The following PRICKLE2 variants were observed in gnomAD, a reference collection of about 807,000 sequenced individuals.
PRICKLE2 encodes the protein prickle planar cell polarity protein 2, also known as prickle-like protein 2.
A neutral mutation model predicts 81.4 loss-of-function variants in PRICKLE2; 21 were observed. The ratio of observed to expected loss-of-function variants is 0.26; its 90% CI spans 0.18 to 0.37. PRICKLE2 has a LOEUF of 0.37. Ranked by LOEUF, PRICKLE2 falls within the 10% of genes least tolerant of loss-of-function variation. The probability of loss-of-function intolerance (pLI) is 1.00; values close to 1 mark genes in which losing one functional copy is unlikely to be tolerated. For synonymous variants in PRICKLE2, 456 were observed against 421.5 expected, an observed-to-expected ratio of 1.08 and a Z score of -1.00; for missense variants, 940 against 1,109.0, an observed-to-expected ratio of 0.85 and a Z score of 2.16.
intron 2 of PRICKLE2, among the ~76,000 whole-genome samples, chr3:64,166,416 T>A (rs1246874629): frequency 1.3e-5 from 2 of 152,216 alleles, no homozygotes; most frequent in African/African-American, 2.4e-5. Context: ...CCAGCAGTGA[T>A]GGAGGACTCT....
chr3:64,248,113 G>A (rs901733868), intron 2 of PRICKLE2, among the ~76,000 whole-genome samples: 1 of 152,056 alleles, frequency 6.6e-6, no homozygotes, highest in African/African-American at 2.4e-5. Context: ...TTTTAAAAAG[G>A]CAGCCCACTA....
chr3:64,163,011 C>T lies in PRICKLE2; in HGVS notation c.258+5G>A, dbSNP rs1368875653. ...ATTCTGCATAAGCCCCCTCTAGCCC[C>T]TTACCTCATTGTCATGTGGCGGCAG... On this transcript the variant is annotated splice_donor_5th_base_variant and intron_variant, in intron 3 of 7. Coordinates refer to ENST00000638394, the MANE Select transcript of PRICKLE2 (RefSeq NM_198859.4). The T allele has an allele frequency of 6.3e-7, 1 of 1,595,442 alleles. No homozygotes were observed. Among genetic ancestry groups the T allele is most frequent in the Admixed American group, 1.7e-5 (1 of 59,994 alleles).
intron 2 of PRICKLE2, among the ~76,000 whole-genome samples, chr3:64,256,167 G>A (rs1158686862): frequency 1.3e-5 from 2 of 152,142 alleles, no homozygotes; most frequent in East Asian, 3.9e-4. Flanking sequence ...CAGCCAGAAT[G>A]TAAATAAAAC....
intron 2 of PRICKLE2, among the ~76,000 whole-genome samples, chr3:64,231,877 C>T (rs2079109788): frequency 6.6e-6 from 1 of 152,170 alleles, no homozygotes; most frequent in African/African-American, 2.4e-5. Flanking sequence ...GAAGTTTGGT[C>T]TTGGGTCTGA....
At chr3:64,131,013 G>A (rs151081754) in intron 7 of PRICKLE2, among the ~76,000 whole-genome samples, 1 of 152,216 alleles carries the variant, frequency 6.6e-6, no homozygotes, top group African/African-American at 2.4e-5. Context: ...TGAGGTTGAG[G>A]TTGGAGTTCC....
At chr3:64,259,808 G>A (rs1249339163) in intron 2 of PRICKLE2, among the ~76,000 whole-genome samples, 1 of 152,138 alleles carries the variant, frequency 6.6e-6, no homozygotes, top group East Asian at 1.9e-4. Flanking sequence ...TGGATTGTTG[G>A]CAGCCACAAG....
At chr3:64,212,526 G>A (rs1211820789) in intron 1 of PRICKLE2, among the ~76,000 whole-genome samples, 1 of 152,178 alleles carries the variant, frequency 6.6e-6, no homozygotes, top group South Asian at 2.1e-4. Context: ...ACCTGCTGAA[G>A]TACTTGTTTA....
At chr3:64,120,223 A>G (rs954944081) in intron 7 of PRICKLE2, among the ~76,000 whole-genome samples, 1 of 152,216 alleles carries the variant, frequency 6.6e-6, no homozygotes, top group Non-Finnish European at 1.5e-5. Context: ...AAATTATAAG[A>G]AAAAGTCAAC....
Position 64,178,089 on chromosome 3 carries a change from C to T in PRICKLE2, c.145-14960G>A, listed in dbSNP as rs1258759813. Among the ~76,000 whole-genome samples the T allele has an allele frequency of 2.6e-5, 4 of 152,270 alleles. No homozygotes were observed. The East Asian group carries it at 7.7e-4, about 29-fold the overall frequency. ...ATTTTCCAGTTTTTAAAATTATAAC[C>T]ATCTTAGTAGGTCTGAAGCAGTATC... On this transcript the variant is annotated intron_variant, in intron 2 of 7. Transcript: ENST00000638394.
chr3:64,165,050 C>T (rs1185137160), intron 2 of PRICKLE2, among the ~76,000 whole-genome samples: 3 of 152,300 alleles, frequency 2.0e-5, no homozygotes, highest in African/African-American at 4.8e-5. Context: ...ATTCTCCCAA[C>T]TTCCATTGTC....
In PRICKLE2 at chr3:64,165,756, G is replaced by C. The variant is rs1004161934; in HGVS notation, c.145-2627C>G. On this transcript the variant is annotated intron_variant, in intron 2 of 7. Transcript: ENST00000638394. ...ACTCCTGGGCTCAAGCTATTCTCCT[G>C]CCTTGGCCTTCCAAAGTGCTGGGAT... Among the ~76,000 whole-genome samples, 3 of 152,170 alleles carry C rather than the reference G, an allele frequency of 2.0e-5. 1 individual carries two copies. The highest frequency in any genetic ancestry group is 6.3e-3 in the Middle Eastern group (2 of 316).
At chr3:64,145,169 T>C (rs974624105) in intron 7 of PRICKLE2, among the ~76,000 whole-genome samples, 1 of 147,922 alleles carries the variant, frequency 6.8e-6, no homozygotes, top group African/African-American at 2.5e-5. Context: ...GTGGGATCAT[T>C]GCTTAGTTCA....
chr3:64,104,536 T>C (rs1173725816), intron 7 of PRICKLE2: 2 of 152,246 alleles, frequency 1.3e-5, no homozygotes, highest in Non-Finnish European at 2.9e-5. Flanking sequence ...AACAGATTCC[T>C]ATTTCCGTGA....
At chr3:64,157,964 A>G (rs1301558017) in intron 4 of PRICKLE2, among the ~76,000 whole-genome samples, 1 of 152,216 alleles carries the variant, frequency 6.6e-6, no homozygotes, top group Non-Finnish European at 1.5e-5. Flanking sequence ...AAACTATGGA[A>G]AGGGTTTCTT....
At chr3:64,169,994 T>A (rs1177164461) in intron 2 of PRICKLE2, among the ~76,000 whole-genome samples, 6 of 152,246 alleles carry the variant, frequency 3.9e-5, no homozygotes, top group South Asian at 2.1e-4. Context: ...TAAATAGGGA[T>A]GGGCTGCTCA....
At chr3:64,136,141 A>G (rs927958074) in intron 7 of PRICKLE2, among the ~76,000 whole-genome samples, 6 of 152,144 alleles carry the variant, frequency 3.9e-5, no homozygotes, top group African/African-American at 1.4e-4. Flanking sequence ...ATTTGATGTC[A>G]AGGACATCTT....
intron 6 of PRICKLE2, among the ~76,000 whole-genome samples, chr3:64,150,152 T>G (rs2077522136): frequency 6.6e-6 from 1 of 151,902 alleles, no homozygotes; most frequent in Non-Finnish European, 1.5e-5. Flanking sequence ...GACATGGGAC[T>G]CTGTAGTAGT....
At chr3:64,231,263 C>T (rs528855210) in intron 2 of PRICKLE2, among the ~76,000 whole-genome samples, 15 of 152,196 alleles carry the variant, frequency 9.9e-5, no homozygotes, top group African/African-American at 3.4e-4. Flanking sequence ...AGATTTTGCT[C>T]CCTCCCCACA....
chr3:64,156,126 C>T (rs566991915), intron 5 of PRICKLE2, among the ~76,000 whole-genome samples: 1 of 152,300 alleles, frequency 6.6e-6, no homozygotes, highest in East Asian at 1.9e-4. Flanking sequence ...GATGTGGAAA[C>T]TGAGGCATGA....
Sources: allele counts gnomAD v4.1 joint callset (sites outside exome capture counted in the v4.1 genomes callset), GRCh38; gene constraint gnomAD v4.1.1; transcripts MANE v1.5; gene names NCBI Gene and HGNC (gene_info 2026-07-23, HGNC 2026-07-21).